The following R3HDM1 variants were observed in gnomAD, a reference collection of about 807,000 sequenced individuals.
R3HDM1 encodes R3H domain containing 1.
Under a neutral mutation model 141.1 loss-of-function variants are expected in R3HDM1, and 46 were observed. The ratio of observed to expected loss-of-function variants is 0.33; its 90% CI spans 0.26 to 0.42. R3HDM1 has a LOEUF of 0.42. R3HDM1 is among the 10% of genes least tolerant of loss of function. R3HDM1 has a pLI of 1.00. For missense variants in R3HDM1, 1,184 were observed against 1,368.3 expected (o/e 0.87, Z 2.12); for synonymous variants, 435 against 472.9 (o/e 0.92, Z 1.04).
chr2:135,584,038 C>G (rs1707343640), intron 1 of R3HDM1: 1 of 985,210 alleles, frequency 1.0e-6, no homozygotes, highest in Non-Finnish European at 1.2e-6. Flanking sequence ...TTTATTAACT[C>G]AAATTTCAGC....
At position 135,621,623 on chromosome 2, in the gene R3HDM1, T is replaced by C; in HGVS notation, c.418+15T>C. The stretch of plus-strand genomic sequence containing the variant: ...GTTATCAAGAGGTTTGCAGTTCTTT[T>C]GTTTTTTTTTAAAAAAAAATTTTGC... On this transcript the variant is annotated intron_variant, in intron 6 of 26. Transcript: ENST00000683871. 6.6e-7 allele frequency: 1 copy of C among 1,522,338 alleles called. No individual in the cohort carries two copies. The highest frequency in any genetic ancestry group is 8.7e-7 in the Non-Finnish European group (1 of 1,145,708). The allele number at this position is 1,522,338 out of a possible 1,614,324, so 94.3% of individuals were successfully genotyped here.
chr2:135,568,570 G>A lies in R3HDM1; in HGVS notation c.-249-33930G>A, dbSNP rs542034464. On this transcript the variant is annotated intron_variant, in intron 1 of 26. Coordinates refer to ENST00000683871, the MANE Select transcript of R3HDM1 (RefSeq NM_001378107.1). ...TCACCATGTTGGCCAGGCTGGTCTC[G>A]AACTCCTGACCTCAGGTGATCTACC... Among the ~76,000 whole-genome samples, 940 of 150,278 alleles carry A rather than the reference G, an allele frequency of 6.3e-3. 1 individual carries two copies. The highest frequency in any genetic ancestry group is 9.4e-3 in the Non-Finnish European group (636 of 67,536).
chr2:135,719,799 C>G (rs2076531223), intron 24 of R3HDM1, among the ~76,000 whole-genome samples: 1 of 151,386 alleles, frequency 6.6e-6, no homozygotes, highest in African/African-American at 2.4e-5. Context: ...TTTAAAATTT[C>G]ATTATTGTAG....
intron 5 of R3HDM1, among the ~76,000 whole-genome samples, chr2:135,617,991 A>G (rs1456720871): frequency 6.6e-6 from 1 of 152,192 alleles, no homozygotes. Flanking sequence ...GATATTTAGG[A>G]TAGTTGTCAC....
Position 135,710,663 on chromosome 2 carries a change from C to T in R3HDM1, c.2736+432C>T, listed in dbSNP as rs557431222. Among the ~76,000 whole-genome samples the T allele has an allele frequency of 1.5e-4, 22 of 151,642 alleles. No individual in the cohort carries two copies. The South Asian group carries it at 4.6e-3, about 32-fold the overall frequency. ...GTAACTCTGTCTCAAAAAAAAAAGA[C>T]GGAGGAAAAAAAGAATCAGTGTTTA... is the stretch of plus-strand genomic sequence containing the variant. On this transcript the variant is annotated intron_variant, in intron 23 of 26. Coordinates refer to ENST00000683871, the MANE Select transcript of R3HDM1 (RefSeq NM_001378107.1).
rs1451512962 is a variant in R3HDM1 at position 135,658,979 on chromosome 2, A to G, written c.2029-2291A>G. Among the ~76,000 whole-genome samples the G allele has an allele frequency of 3.3e-5, 5 of 151,662 alleles. No individual in the cohort carries two copies. The East Asian group carries it at 5.8e-4, about 18-fold the overall frequency. ...AACACACGTGGAGCTGTCGTCTCCT[A>G]TGTGGAGCTGTCATCTCCTATGATA... On this transcript the variant is annotated intron_variant, in intron 18 of 26. Coordinates refer to ENST00000683871, the MANE Select transcript of R3HDM1 (RefSeq NM_001378107.1).
At chr2:135,669,254 T>G in intron 19 of R3HDM1, 1 of 985,380 alleles carries the variant, frequency 1.0e-6, no homozygotes. Context: ...GAGAGGACAT[T>G]GTGGGCTAAT....
intron 1 of R3HDM1, among the ~76,000 whole-genome samples, chr2:135,597,438 G>C (rs1252345910): frequency 6.6e-6 from 1 of 152,218 alleles, no homozygotes; most frequent in Admixed American, 6.5e-5. Flanking sequence ...CTGACAAAGT[G>C]ACTGCAAATG....
At chr2:135,544,806 A>G (rs1486412906) in intron 1 of R3HDM1, among the ~76,000 whole-genome samples, 2 of 152,142 alleles carry the variant, frequency 1.3e-5, no homozygotes, top group South Asian at 2.1e-4. Flanking sequence ...TACTAAAAAT[A>G]CAAAGAAATT....
chr2:135,650,304 G>T (rs2065015426), intron 17 of R3HDM1: 1 of 985,256 alleles, frequency 1.0e-6, no homozygotes, highest in Non-Finnish European at 1.2e-6. Context: ...GCCACTGCAG[G>T]ATCTGTGCTG....
At chr2:135,705,820 T>G (rs1258189161) in intron 21 of R3HDM1, among the ~76,000 whole-genome samples, 2 of 152,208 alleles carry the variant, frequency 1.3e-5, no homozygotes, top group Non-Finnish European at 2.9e-5. Flanking sequence ...AGGAATAAGA[T>G]GAGCACTGTA....
intron 18 of R3HDM1, among the ~76,000 whole-genome samples, chr2:135,655,603 T>C (rs2065758491): frequency 6.6e-6 from 1 of 151,958 alleles, no homozygotes; most frequent in Admixed American, 6.6e-5. Flanking sequence ...GCCTCCCAGG[T>C]TCACGCCATT....
chr2:135,700,215 T>G (rs1468196898), intron 21 of R3HDM1, among the ~76,000 whole-genome samples: 2 of 152,168 alleles, frequency 1.3e-5, no homozygotes, highest in Non-Finnish European at 2.9e-5. Flanking sequence ...TTGAATAGTT[T>G]AAATTTTCTT....
intron 18 of R3HDM1, among the ~76,000 whole-genome samples, chr2:135,657,035 G>C (rs2065995658): frequency 6.6e-6 from 1 of 151,970 alleles, no homozygotes; most frequent in African/African-American, 2.4e-5. Flanking sequence ...GGGCAGCAGA[G>C]GTTGCAGTGA....
chr2:135,620,487 T>G, intron 5 of R3HDM1: 1 of 981,778 alleles, frequency 1.0e-6, no homozygotes, highest in Non-Finnish European at 1.2e-6. Flanking sequence ...ACTGCCAGTG[T>G]GCATCATTTA....
At chr2:135,587,317 G>C (rs1287748591) in intron 1 of R3HDM1, among the ~76,000 whole-genome samples, 1 of 152,010 alleles carries the variant, frequency 6.6e-6, no homozygotes, top group African/African-American at 2.4e-5. Context: ...TTTTTATCTG[G>C]AATTAGCTGA....
intron 7 of R3HDM1, among the ~76,000 whole-genome samples, chr2:135,630,309 C>CAAACA (rs2062575428): frequency 1.3e-5 from 1 of 79,138 alleles, no homozygotes; most frequent in African/African-American, 4.6e-5. Flanking sequence ...AAAAAAAAAA[C>CAAACA]AAAAAAAAAA....
intron 1 of R3HDM1, among the ~76,000 whole-genome samples, chr2:135,560,204 A>G (rs914108263): frequency 6.6e-6 from 1 of 152,240 alleles, no homozygotes; most frequent in Non-Finnish European, 1.5e-5. Flanking sequence ...CATTGTGAGC[A>G]TACTAAAAAT....
intron 7 of R3HDM1, among the ~76,000 whole-genome samples, chr2:135,627,984 A>G (rs1339064917): frequency 6.6e-6 from 1 of 152,198 alleles, no homozygotes; most frequent in Non-Finnish European, 1.5e-5. Context: ...CTTTTAGTTT[A>G]TTAGCTTGTT....
Sources: gnomAD v4.1 joint callset for allele counts (sites outside exome capture counted in the v4.1 genomes callset) on GRCh38, gnomAD v4.1.1 for gene constraint, MANE v1.5 for transcripts, NCBI Gene and HGNC (gene_info 2026-07-23, HGNC 2026-07-21) for gene names.